The following ARHGAP18 variants were observed in gnomAD, a reference collection of about 807,000 sequenced individuals.
The protein encoded by ARHGAP18 is rho GTPase-activating protein 18.
ARHGAP18 carries 67 observed loss-of-function variants against 86.2 expected under a neutral mutation model. The observed-to-expected ratio is 0.78, with a 90% CI of 0.64 to 0.95. The LOEUF is 0.95. Among genes scored for constraint, ARHGAP18 ranks in the 40% least tolerant of loss-of-function variants. The pLI, the probability that ARHGAP18 is intolerant of heterozygous loss-of-function variation, is 0.00. For missense variants in ARHGAP18, 691 were observed against 780.4 expected (o/e 0.89, Z 1.37); for synonymous variants, 283 against 280.4 (o/e 1.01, Z -0.09).
intron 1 of ARHGAP18, among the ~76,000 whole-genome samples, chr6:129,664,748 A>C (rs1774008735): frequency 6.6e-6 from 1 of 152,250 alleles, no homozygotes; most frequent in Non-Finnish European, 1.5e-5. Flanking sequence ...GATGAAACTT[A>C]CACATTCTAG....
chr6:129,668,532 G>GCCTA (rs1445436673), intron 1 of ARHGAP18, among the ~76,000 whole-genome samples: 1 of 152,134 alleles, frequency 6.6e-6, no homozygotes, highest in African/African-American at 2.4e-5. Flanking sequence ...TCTTCAGCCT[G>GCCTA]ATGTTCAAGA....
chr6:129,655,337 A>AAGAAAAG (rs1554339768), intron 1 of ARHGAP18, among the ~76,000 whole-genome samples: 1 of 98,700 alleles, frequency 1.0e-5, no homozygotes, highest in Non-Finnish European at 2.0e-5. Context: ...AAAAAAAAAA[A>AAGAAAAG]AAAAGAAAAG....
rs775517266 is a variant in ARHGAP18 at position 129,616,229 on chromosome 6, G to A, written c.1027C>T (p.Pro343Ser). The change falls in exon 7 of 15, where the codon CCC becomes TCC. Residue 343 changes from proline (P) to serine (S), a missense_variant. Coordinates refer to ENST00000368149, the MANE Select transcript of ARHGAP18 (RefSeq NM_033515.3). ...CTACCTACTTTTTGAAAGATCAAGG[G>A]TATTCGCATTCCTGGTACTTTCCTC... Reference protein sequence around the residue: ...DQRKVPGMRIPLIFQKLISRI... With the variant: ...DQRKVPGMRISLIFQKLISRI... 3 of 1,611,062 alleles carry A rather than the reference G, an allele frequency of 1.9e-6. No homozygotes were observed.
Position 129,629,593 on chromosome 6 carries a change from C to T in ARHGAP18, c.617-71G>A, listed in dbSNP as rs186104256. 3.5e-5 allele frequency: 51 copies of T among 1,475,942 alleles called. No individual in the cohort carries two copies. The African/African-American group carries it at 4.7e-4, about 14-fold the overall frequency. The allele number at this position is 1,475,942 out of a possible 1,614,324, so 91.4% of individuals were successfully genotyped here. A position where few individuals can be genotyped will look rare whatever the true frequency, so the allele number is the denominator to read the frequency against. On this transcript the variant is annotated intron_variant, in intron 4 of 14. Coordinates refer to ENST00000368149, the MANE Select transcript of ARHGAP18 (RefSeq NM_033515.3). ...TTTTTAAAAAAAATTCTAATGCATT[C>T]GCTACATAAAAACATTTGGGAAGAG...
At chr6:129,603,693 C>A (rs1011714109) in intron 10 of ARHGAP18, among the ~76,000 whole-genome samples, 1 of 152,108 alleles carries the variant, frequency 6.6e-6, no homozygotes, top group African/African-American at 2.4e-5. Context: ...AACATGGATC[C>A]CCTCTTGCTA....
intron 1 of ARHGAP18, among the ~76,000 whole-genome samples, chr6:129,660,579 T>A (rs1277987896): frequency 6.6e-6 from 1 of 152,194 alleles, no homozygotes; most frequent in Non-Finnish European, 1.5e-5. Context: ...AGACCCTTGC[T>A]ACCTAAATGT....
chr6:129,609,804 C>G (rs973358321), intron 8 of ARHGAP18, among the ~76,000 whole-genome samples: 1 of 151,974 alleles, frequency 6.6e-6, no homozygotes, highest in Non-Finnish European at 1.5e-5. Context: ...TCAGGTTACT[C>G]GAATCCTATT....
At chr6:129,683,153 G>C (rs1026893761) in intron 1 of ARHGAP18, among the ~76,000 whole-genome samples, 6 of 150,922 alleles carry the variant, frequency 4.0e-5, no homozygotes, top group African/African-American at 1.5e-4. Flanking sequence ...CTCACTGCAA[G>C]CTCCACCTCC....
At chr6:129,661,886 G>A (rs1773959972) in intron 1 of ARHGAP18, 1 of 985,278 alleles carries the variant, frequency 1.0e-6, no homozygotes, top group Middle Eastern at 5.2e-4. Context: ...GAACCCAACA[G>A]CTGTTTAGAG....
chr6:129,654,376 G>A (rs1326203054), intron 1 of ARHGAP18, among the ~76,000 whole-genome samples: 2 of 152,156 alleles, frequency 1.3e-5, no homozygotes, highest in Non-Finnish European at 2.9e-5. Context: ...CCCAGAAGCT[G>A]GAAGTTTATG....
intron 7 of ARHGAP18, among the ~76,000 whole-genome samples, 191 bp from the exon 8 acceptor site, chr6:129,611,801 GA>G (rs1431326766): frequency 6.6e-6 from 1 of 152,086 alleles, no homozygotes; most frequent in African/African-American, 2.4e-5. Flanking sequence ...TTATAATTTA[GA>G]AAAAGTTGGG....
At chr6:129,677,888 T>A (rs1371721721) in intron 1 of ARHGAP18, among the ~76,000 whole-genome samples, 1 of 152,230 alleles carries the variant, frequency 6.6e-6, no homozygotes, top group African/African-American at 2.4e-5. Flanking sequence ...CTGGCTGGTA[T>A]TTAAGCTTCC....
At chr6:129,666,494 T>A (rs773968132) in intron 1 of ARHGAP18, among the ~76,000 whole-genome samples, 2 of 152,190 alleles carry the variant, frequency 1.3e-5, no homozygotes, top group Non-Finnish European at 2.9e-5. Context: ...TGGTATACAG[T>A]ATCCTCATCA....
Position 129,700,930 on chromosome 6 carries a change from C to G in ARHGAP18, c.113+9094G>C, listed in dbSNP as rs1259484741. The stretch of plus-strand genomic sequence containing the variant: ...ACTTACACTCATTCATTCATTCAAT[C>G]TTTTAGTAACTACCTAAAGTGAACT... On this transcript the variant is annotated intron_variant, in intron 1 of 14. Transcript: ENST00000368149. Among the ~76,000 whole-genome samples the G allele has an allele frequency of 2.6e-5, 4 of 151,426 alleles. No homozygotes were observed. In the East Asian group the frequency reaches 7.7e-4, roughly 29 times the overall value.
chr6:129,617,337 C>T (rs188111441), intron 6 of ARHGAP18, among the ~76,000 whole-genome samples: 1 of 152,258 alleles, frequency 6.6e-6, no homozygotes, highest in East Asian at 1.9e-4. Flanking sequence ...TGAAAATCAT[C>T]TGTGAACATG....
At chr6:129,640,065 C>CAA (rs1243715104) in intron 2 of ARHGAP18, among the ~76,000 whole-genome samples, 1 of 108,472 alleles carries the variant, frequency 9.2e-6, no homozygotes. Context: ...AAAAAAAAAA[C>CAA]AAACAAAAGT....
chr6:129,649,087 C>G (rs1773647044), intron 1 of ARHGAP18, among the ~76,000 whole-genome samples: 1 of 152,166 alleles, frequency 6.6e-6, no homozygotes, highest in South Asian at 2.1e-4. Flanking sequence ...CCCATGCAAC[C>G]ATCAGAACCC....
intron 11 of ARHGAP18, 51 bp downstream of exon 11, chr6:129,600,591 T>C (rs775206454): frequency 2.1e-6 from 3 of 1,416,874 alleles, no homozygotes; most frequent in East Asian, 2.3e-5. Context: ...ATAACAAACA[T>C]GCAATTTGTT....
chr6:129,609,204 G>A (rs1215040986), intron 8 of ARHGAP18, among the ~76,000 whole-genome samples: 1 of 151,982 alleles, frequency 6.6e-6, no homozygotes, highest in Non-Finnish European at 1.5e-5. Flanking sequence ...AGAGAGAATA[G>A]TACAGAGAAA....
Sources: gnomAD v4.1 joint callset for allele counts (sites outside exome capture counted in the v4.1 genomes callset) on GRCh38, gnomAD v4.1.1 for gene constraint, MANE v1.5 for transcripts, NCBI Gene and HGNC (gene_info 2026-07-23, HGNC 2026-07-21) for gene names.